PLCH2: variants seen among roughly 807,000 people sequenced by gnomAD.
The protein encoded by PLCH2 is phospholipase C eta 2.
A neutral mutation model predicts 134.7 loss-of-function variants in PLCH2; 98 were observed. The ratio of observed to expected loss-of-function variants is 0.73; its 90% CI spans 0.62 to 0.86. The LOEUF (loss-of-function observed/expected upper bound fraction) is 0.86, where lower values mean the gene tolerates loss of function less well. Among genes scored for constraint, PLCH2 ranks in the 40% least tolerant of loss-of-function variants. The pLI, the probability that PLCH2 is intolerant of heterozygous loss-of-function variation, is 0.00. For synonymous variants in PLCH2, 974 were observed against 827.5 expected (o/e 1.18, Z -3.04); for missense variants, 1,994 against 1,986.6 (o/e 1.00, Z -0.07).
In PLCH2 at chr1:2,491,215, A is replaced by G. The variant is rs759496463; in HGVS notation, c.1539A>G (p.Val513=). 5.0e-6 allele frequency: 8 copies of G among 1,612,994 alleles called. No homozygotes were observed. In the East Asian group the frequency reaches 1.6e-4, roughly 31 times the overall value. Residue 513 remains valine (V), a synonymous_variant, in exon 11 of 22, where the codon GTA becomes GTG. Coordinates refer to ENST00000378486, the MANE Select transcript of PLCH2 (RefSeq NM_014638.4). ...NGDASTNRKR[V]ENTAKRKLDS... ...AGGCATCCACCAATCGAAAGCGTGT[A>G]GAAAACACTGCTAAGAGGAAACTGG...
chr1:2,422,943 AT>A (rs1444318712), upstream of PLCH2, among the ~76,000 whole-genome samples: 17 of 152,240 alleles, frequency 1.1e-4, no homozygotes, highest in African/African-American at 4.1e-4. Context: ...AGTTATGCAG[AT>A]TTTTCAAATC....
intron 15 of PLCH2, among the ~76,000 whole-genome samples, 154 bp downstream of exon 15, chr1:2,497,164 G>A (rs550027112): frequency 5.9e-5 from 9 of 152,358 alleles, no homozygotes; most frequent in South Asian, 4.1e-4. Flanking sequence ...GCATGCTGCC[G>A]ACACCAGGCT....
chr1:2,494,608 C>T (rs72644648), intron 11 of PLCH2: 9,349 of 583,392 alleles, frequency 0.016, 110 homozygotes, highest in Non-Finnish European at 0.019. Context: ...AATGTTTCCA[C>T]CGGGGCCTGA....
chr1:2,447,832 G>A (rs1640010988), intron 2 of PLCH2, among the ~76,000 whole-genome samples: 1 of 152,198 alleles, frequency 6.6e-6, no homozygotes, highest in South Asian at 2.1e-4. Context: ...CCGGGAACCG[G>A]GGAATACAGA....
In PLCH2 at chr1:2,478,489, G is replaced by A. The variant is rs1005716520; in HGVS notation, c.138G>A (p.Met46Ile). Residue 46 changes from methionine to isoleucine, a missense_variant, in exon 2 of 22, where the codon ATG becomes ATA. Transcript: ENST00000378486. The part of the protein sequence containing the change: ...WQLGPLVERC[M>I]GAMQEGMQMV... ...TCCCGTGTCCAGTGGAGCGGTGCAT[G>A]GGTGCCATGCAAGAGGGGATGCAGA... 2.0e-5 allele frequency: 32 copies of A among 1,612,816 alleles called. No individual in the cohort carries two copies. In the East Asian group the frequency reaches 6.9e-4, roughly 35 times the overall value.
At chr1:2,502,475 G>T (rs187593339) in intron 21 of PLCH2, 66 bp downstream of exon 21, 2 of 1,450,898 alleles carry the variant, frequency 1.4e-6, no homozygotes, top group East Asian at 2.5e-5. Context: ...TGTCCTGGAC[G>T]GCCCCGGGCC....
Position 2,504,784 on chromosome 1 carries a change from C to T in PLCH2, c.3822C>T (p.Arg1274=). The change falls in exon 22 of 22, where the codon CGC becomes CGT. Residue 1274 remains arginine, a synonymous_variant. Coordinates refer to ENST00000378486, the MANE Select transcript of PLCH2 (RefSeq NM_014638.4). ...CCCCTAGCTTTGAGGGCGGCTCCCG[C>T]AGACTGAGCCACAGCCTGGGCCTCC... is the stretch of plus-strand genomic sequence containing the variant. The part of the protein sequence containing the change: ...DFAPSFEGGS[R]RLSHSLGLPG... The T allele has an allele frequency of 6.2e-7, 1 of 1,612,198 alleles. No individual in the cohort carries two copies.
At chr1:2,466,594 C>T (rs1641067362), upstream of PLCH2, among the ~76,000 whole-genome samples, 1 of 152,266 alleles carries the variant, frequency 6.6e-6, no homozygotes, top group South Asian at 2.1e-4. Context: ...GCGTGCCTGC[C>T]TGCCCTGCCC....
At position 2,504,525 on chromosome 1, in the gene PLCH2, C is replaced by G. The variant is rs752474507; in HGVS notation, c.3563C>G (p.Ser1188Trp). 78 of 1,612,366 alleles carry G rather than the reference C, an allele frequency of 4.8e-5. No homozygotes were observed. Among genetic ancestry groups the G allele is most frequent in the Non-Finnish European group, 6.4e-5 (75 of 1,179,720 alleles). Residue 1188 changes from serine (S) to tryptophan (W), a missense_variant, in exon 22 of 22, where the codon TCG becomes TGG. This residue lies in a region of PLCH2 where 900 missense variants were observed against 752.3 expected (regional missense o/e 1.20). Transcript: ENST00000378486. ...CTGCCCCCCAGGCCCCACTCGGCTT[C>G]GGCTGCCCGCCCAGACCTGCCACCT... ...GRLPPRPHSA[S>W]AARPDLPPVT...
intron 2 of PLCH2, among the ~76,000 whole-genome samples, chr1:2,443,453 C>T (rs533434479): frequency 5.9e-5 from 9 of 152,294 alleles, no homozygotes; most frequent in African/African-American, 2.2e-4. Context: ...GCGCTCTCGG[C>T]CCCGCCCCCT....
rs755410101 is a variant in PLCH2 at position 2,480,150 on chromosome 1, T to G, written c.516-33T>G. 17 of 1,611,278 alleles carry G rather than the reference T, an allele frequency of 1.1e-5. No individual in the cohort carries two copies. In the African/African-American group the frequency reaches 2.1e-4, roughly 20 times the overall value. On this transcript the variant is annotated intron_variant, in intron 3 of 21. Coordinates refer to ENST00000378486, the MANE Select transcript of PLCH2 (RefSeq NM_014638.4). Reference sequence around the variant, plus strand: ...GGTGGAGGTGTCAGGGCTGGGCCCATGGATCGCTGTTGGCCCCTAACTCGG... The same window carrying G: ...GGTGGAGGTGTCAGGGCTGGGCCCAGGGATCGCTGTTGGCCCCTAACTCGG...
At chr1:2,443,784 C>T (rs1400078526) in intron 2 of PLCH2, among the ~76,000 whole-genome samples, 1 of 147,510 alleles carries the variant, frequency 6.8e-6, no homozygotes, top group Non-Finnish European at 1.5e-5. Flanking sequence ...GCAGTGTCAC[C>T]GCGCACAGCC....
chr1:2,489,150 C>T lies in PLCH2; in HGVS notation c.1236-57C>T, dbSNP rs543136116. ...GACCTGGGATCTTGCAGAGGTGGGG[C>T]TTACCCATCCTCTGAGGCCCTGGCC... On this transcript the variant is annotated intron_variant, in intron 8 of 21. Transcript: ENST00000378486. 1.6e-4 allele frequency: 243 copies of T among 1,484,824 alleles called. No homozygotes were observed. The African/African-American group carries it at 2.9e-3, about 18-fold the overall frequency. 92.0% of individuals were successfully genotyped at this position (1,484,824 alleles called of 1,614,324 possible). A position where few individuals can be genotyped will look rare whatever the true frequency, so the allele number is the denominator to read the frequency against.
rs1343233967 is a variant in PLCH2 at position 2,480,258 on chromosome 1, G to A, written c.591G>A (p.Leu197=). ...TGAGCATTGGCGAGGTCCTGCAGCT[G>A]CTGCACAAGCTCAACGTGAACCTGC... ...GSLSIGEVLQ[L]LHKLNVNLPR... Residue 197 remains leucine, a synonymous_variant, in exon 4 of 22, where the codon CTG becomes CTA. Coordinates refer to ENST00000378486, the MANE Select transcript of PLCH2 (RefSeq NM_014638.4). The A allele has an allele frequency of 7.4e-6, 12 of 1,612,764 alleles. No homozygotes were observed. Among genetic ancestry groups the A allele is most frequent in the Non-Finnish European group, 1.0e-5 (12 of 1,179,826 alleles).
chr1:2,475,963 T>C (rs1038412854), upstream of PLCH2, among the ~76,000 whole-genome samples: 5 of 152,022 alleles, frequency 3.3e-5, no homozygotes, highest in Admixed American at 2.6e-4. Context: ...GGATGCGGGG[T>C]GAGGGCAGGG....
upstream of PLCH2, among the ~76,000 whole-genome samples, chr1:2,471,804 G>C (rs1298626497): frequency 6.6e-6 from 1 of 152,176 alleles, no homozygotes; most frequent in African/African-American, 2.4e-5. Context: ...GCCACCCAAG[G>C]GGGCAGAACA....
intron 11 of PLCH2, 123 bp from the exon 12 acceptor site, chr1:2,494,733 T>C: frequency 4.2e-6 from 2 of 478,854 alleles, no homozygotes; most frequent in Non-Finnish European, 4.2e-6. Flanking sequence ...TCTGCCTTAC[T>C]CCAGACCTGG....
chr1:2,430,125 G>C (rs753816948), intron 1 of PLCH2, among the ~76,000 whole-genome samples: 6 of 152,166 alleles, frequency 3.9e-5, no homozygotes, highest in Non-Finnish European at 7.4e-5. Context: ...CTCCTCCCCT[G>C]CCCTTTGGTT....
chr1:2,499,253 C>T, intron 19 of PLCH2, 23 bp downstream of exon 19: 3 of 1,610,228 alleles, frequency 1.9e-6, no homozygotes, highest in Non-Finnish European at 2.5e-6. Flanking sequence ...GGACACGGTG[C>T]CCCCCACACT....
Sources: gnomAD v4.1 joint callset for allele counts (sites outside exome capture counted in the v4.1 genomes callset) on GRCh38, gnomAD v4.1.1 for gene constraint, gnomAD v4.1.1 regional missense constraint, MANE v1.5 for transcripts, NCBI Gene and HGNC (gene_info 2026-07-23, HGNC 2026-07-21) for gene names.